Variants in TNRC6C observed in about 807,000 individuals in gnomAD.
The protein encoded by TNRC6C is trinucleotide repeat-containing gene 6C protein.
TNRC6C carries 20 observed loss-of-function variants against 153.7 expected under a neutral mutation model. The ratio of observed to expected loss-of-function variants is 0.13; its 90% CI spans 0.09 to 0.19. The LOEUF is 0.19. Ranked by LOEUF, TNRC6C falls within the 10% of genes least tolerant of loss-of-function variation. The pLI is 1.00. For synonymous variants in TNRC6C, 811 were observed against 841.4 expected, an observed-to-expected ratio of 0.96 and a Z score of 0.63; for missense variants, 1,987 against 2,172.0, an observed-to-expected ratio of 0.91 and a Z score of 1.69.
Position 78,042,765 on chromosome 17 carries a change from T to C in TNRC6C, c.-218-6080T>C, listed in dbSNP as rs567094826. Among the ~76,000 whole-genome samples, 10 of 151,870 alleles carry C rather than the reference T, an allele frequency of 6.6e-5. 1 individual carries two copies. Among genetic ancestry groups the C allele is most frequent in the Non-Finnish European group, 1.2e-4 (8 of 67,886 alleles). Reference sequence around the variant, plus strand: ...GTCATCATGATGCTGGTGGTGATCATGGTGGTGGTGCTGATGGTGGTGGTG... The same window carrying C: ...GTCATCATGATGCTGGTGGTGATCACGGTGGTGGTGCTGATGGTGGTGGTG... On this transcript the variant is annotated intron_variant, in intron 2 of 19. Coordinates refer to ENST00000301624, the Ensembl canonical transcript of TNRC6C.
exon 19 of TNRC6C, chr17:78,103,425 T>A: frequency 6.2e-7 from 1 of 1,614,040 alleles, no homozygotes; most frequent in Admixed American, 1.7e-5. Flanking sequence ...TTGATGGTTC[T>A]ACACTGCGGA....
chr17:77,966,010 G>C (rs2070893999), intron 1 of TNRC6C, among the ~76,000 whole-genome samples: 1 of 152,212 alleles, frequency 6.6e-6, no homozygotes, highest in African/African-American at 2.4e-5. Context: ...GGGCTGCAGT[G>C]GTTAGGCAAG....
chr17:78,082,801 G>C (rs2073206025), intron 10 of TNRC6C, among the ~76,000 whole-genome samples: 2 of 152,156 alleles, frequency 1.3e-5, no homozygotes, highest in Non-Finnish European at 2.9e-5. Flanking sequence ...TCTCTGCAGG[G>C]GGAAGCACAT....
At position 78,048,419 on chromosome 17, in the gene TNRC6C, C is replaced by A. The variant is rs373987764; in HGVS notation, c.-218-426C>A. Among the ~76,000 whole-genome samples, 20 of 152,190 alleles carry A rather than the reference C, an allele frequency of 1.3e-4. No individual in the cohort carries two copies. The East Asian group carries it at 3.1e-3, about 23-fold the overall frequency. On this transcript the variant is annotated intron_variant, in intron 2 of 19. Transcript: ENST00000301624. ...GTTTCGCCTCTATATAATACTGTAA[C>A]CTAATTAGAGGTCTTAAAGAGAACT...
At chr17:78,033,229 A>G (rs1263562370) in intron 2 of TNRC6C, among the ~76,000 whole-genome samples, 2 of 152,242 alleles carry the variant, frequency 1.3e-5, no homozygotes, top group African/African-American at 4.8e-5. Flanking sequence ...CTGGTGCAGA[A>G]TGTTACTGGT....
intron 1 of TNRC6C, among the ~76,000 whole-genome samples, chr17:77,998,594 TTCTTC>T (rs1325546211): frequency 6.6e-6 from 1 of 152,246 alleles, no homozygotes; most frequent in Non-Finnish European, 1.5e-5. Flanking sequence ...TTCATGTCCA[TTCTTC>T]TCTTGAGCCT....
At position 78,042,024 on chromosome 17, in the gene TNRC6C, A is replaced by C. The variant is rs898800003; in HGVS notation, c.-218-6821A>C. ...TATGGCTTTTGGAAGCTCTTCATTA[A>C]ATATTTTCCAGGAAAATTTTATCTT... On this transcript the variant is annotated intron_variant, in intron 2 of 19. Coordinates refer to ENST00000301624, the Ensembl canonical transcript of TNRC6C. Among the ~76,000 whole-genome samples, 9 of 152,326 alleles carry C rather than the reference A, an allele frequency of 5.9e-5. No homozygotes were observed. In the South Asian group the frequency reaches 1.9e-3, roughly 32 times the overall value.
intron 1 of TNRC6C, among the ~76,000 whole-genome samples, chr17:78,024,853 G>A (rs763956511): frequency 6.6e-6 from 1 of 151,688 alleles, no homozygotes; most frequent in African/African-American, 2.4e-5. Context: ...GGAGTGCAAT[G>A]GTGCGATCTC....
chr17:77,977,825 G>C (rs1439518916), intron 1 of TNRC6C, among the ~76,000 whole-genome samples: 1 of 150,848 alleles, frequency 6.6e-6, no homozygotes, highest in African/African-American at 2.4e-5. Context: ...AAGTGTATGT[G>C]AGACTCTTAA....
chr17:78,001,869 G>A (rs2071418242), upstream of TNRC6C, among the ~76,000 whole-genome samples: 1 of 151,886 alleles, frequency 6.6e-6, no homozygotes, highest in Non-Finnish European at 1.5e-5. Context: ...AGCAAATATT[G>A]TCCTGGGGGG....
intron 1 of TNRC6C, among the ~76,000 whole-genome samples, chr17:77,989,101 T>C (rs1209501875): frequency 2.0e-5 from 3 of 152,334 alleles, no homozygotes; most frequent in African/African-American, 4.8e-5. Context: ...CAATGTTACT[T>C]TCTTGGCTTA....
intron 1 of TNRC6C, among the ~76,000 whole-genome samples, chr17:77,972,169 C>T (rs1466477594): frequency 1.3e-5 from 2 of 151,988 alleles, no homozygotes; most frequent in Non-Finnish European, 2.9e-5. Context: ...AAACCCATAG[C>T]TAGACTGACC....
chr17:78,010,050 T>A (rs1226374221), intron 1 of TNRC6C, among the ~76,000 whole-genome samples: 1 of 151,688 alleles, frequency 6.6e-6, no homozygotes, highest in Non-Finnish European at 1.5e-5. Flanking sequence ...CCTGGCTAAT[T>A]TTTGTATTTT....
exon 12 of TNRC6C, chr17:78,086,510 A>G: frequency 6.2e-7 from 1 of 1,613,820 alleles, no homozygotes; most frequent in Non-Finnish European, 8.5e-7. Context: ...CAGGCATACC[A>G]ACGTTTACAA....
At chr17:78,018,527 A>C (rs1052575887) in intron 1 of TNRC6C, among the ~76,000 whole-genome samples, 1 of 152,050 alleles carries the variant, frequency 6.6e-6, no homozygotes, top group Non-Finnish European at 1.5e-5. Flanking sequence ...ATAGGTGGGG[A>C]TATTGACATG....
chr17:78,017,457 C>T (rs2071749527), intron 1 of TNRC6C, among the ~76,000 whole-genome samples: 1 of 152,206 alleles, frequency 6.6e-6, no homozygotes, highest in African/African-American at 2.4e-5. Context: ...AACCACATGG[C>T]TCTAGAGTCT....
chr17:78,086,960 C>T (rs1376908255), exon 13 of TNRC6C: 3 of 1,613,632 alleles, frequency 1.9e-6, no homozygotes, highest in Non-Finnish European at 2.5e-6. Flanking sequence ...CCCCGCCGCA[C>T]CTGTCTCTGC....
intron 13 of TNRC6C, among the ~76,000 whole-genome samples, chr17:78,089,167 C>T: frequency 6.6e-6 from 1 of 151,786 alleles, no homozygotes; most frequent in Non-Finnish European, 1.5e-5. Context: ...TGGGTTTCAC[C>T]ATGTTGGCCA....
At chr17:78,041,718 A>G (rs981681163) in intron 2 of TNRC6C, among the ~76,000 whole-genome samples, 5 of 152,208 alleles carry the variant, frequency 3.3e-5, no homozygotes, top group Admixed American at 6.5e-5. Flanking sequence ...TCAAAAGCTG[A>G]AGGCTGTTGT....
Sources: allele counts gnomAD v4.1 joint callset (sites outside exome capture counted in the v4.1 genomes callset), GRCh38; gene constraint gnomAD v4.1.1; transcripts MANE v1.5; gene names NCBI Gene and HGNC (gene_info 2026-07-23, HGNC 2026-07-21).